The following IQCF1 variants were observed in gnomAD, a reference collection of about 807,000 sequenced individuals.
IQCF1 encodes the protein IQ domain-containing protein F1.
A neutral mutation model predicts 12.5 loss-of-function variants in IQCF1; 9 were observed. The observed-to-expected ratio is 0.72, with a 90% CI of 0.43 to 1.26. IQCF1 has a LOEUF of 1.26. Ranked by LOEUF, IQCF1 falls within the 50% of genes most tolerant of loss-of-function variation. IQCF1 has a pLI of 0.00. For missense variants in IQCF1, 252 were observed against 257.4 expected (o/e 0.98, Z 0.14); for synonymous variants, 67 against 96.2 (o/e 0.70, Z 1.78).
chr3:51,899,213 G>T (rs1699048416), intron 2 of IQCF1, among the ~76,000 whole-genome samples: 1 of 151,942 alleles, frequency 6.6e-6, no homozygotes. Context: ...GGGGTGGGGG[G>T]AGAATTTATG....
At chr3:51,896,926 A>T in intron 2 of IQCF1, 32 bp from the exon 3 acceptor site, 1 of 1,550,684 alleles carries the variant, frequency 6.4e-7, no homozygotes, top group East Asian at 2.2e-5. Flanking sequence ...AGAACAGACA[A>T]GATTGAGTTG....
Position 51,895,299 on chromosome 3 carries a change from G to A in IQCF1, c.209C>T (p.Thr70Met), listed in dbSNP as rs377595735. 91 of 1,613,050 alleles carry A rather than the reference G, an allele frequency of 5.6e-5. No individual in the cohort carries two copies. The African/African-American group carries it at 1.1e-3, about 19-fold the overall frequency. The change falls in exon 4 of 4, where the codon ACG (threonine) becomes ATG (methionine). Residue 70 changes from threonine (T) to methionine (M), a missense_variant. By Grantham distance (81) the Thr-to-Met change is moderately conservative. Coordinates refer to ENST00000310914, the MANE Select transcript of IQCF1 (RefSeq NM_152397.3). This position sits in a 1 kb window ranked among gnomAD's most constrained non-coding sequence, Gnocchi z 4.8. Reference protein sequence around the residue: ...ENQKKLSDKDTVATKIQAWWR... With the variant: ...ENQKKLSDKDMVATKIQAWWR... ...CCAGGCCTGGATCTTGGTGGCTACCGTATCTTTGTCAGAGAGCTTCTTTTG... is the reference window on the plus strand; with the variant it reads ...CCAGGCCTGGATCTTGGTGGCTACCATATCTTTGTCAGAGAGCTTCTTTTG...
rs1225333501 is a variant in IQCF1 at position 51,903,003 on chromosome 3, TC to T, written c.89del (p.Gly30GlufsTer42). On this transcript the variant is annotated frameshift_variant, in exon 2 of 4. Coordinates refer to ENST00000310914, the MANE Select transcript of IQCF1 (RefSeq NM_152397.3). LOFTEE classifies it high-confidence loss of function. ...QKEMPTHLSL[G>X]AESKAEAKTP... ...CTCCTACCTCTGCCTTTGACTCTGC[TC>T]CTAAGGACAAATGGGTTGGCATCTC... 6.2e-7 allele frequency: 1 copy of T among 1,613,932 alleles called. No individual in the cohort carries two copies. Among genetic ancestry groups the T allele is most frequent in the African/African-American group, 1.3e-5 (1 of 74,906 alleles).
chr3:51,896,713 GCA>G (rs59897184), intron 3 of IQCF1, 117 bp downstream of exon 3: 8,040 of 546,428 alleles, frequency 0.015, 1 homozygote, highest in East Asian at 0.024. Context: ...ACACACACAC[GCA>G]CACACACACA....
chr3:51,903,137 C>A, intron 1 of IQCF1, 48 bp from the exon 2 acceptor site: 2 of 1,586,238 alleles, frequency 1.3e-6, no homozygotes, highest in East Asian at 2.2e-5. Context: ...GCGGTCCCTC[C>A]CTCTCCATTC....
chr3:51,902,810 C>T (rs754532831), intron 2 of IQCF1, 175 bp downstream of exon 2: 14 of 679,974 alleles, frequency 2.1e-5, no homozygotes, highest in African/African-American at 1.4e-4. Flanking sequence ...TCTGTAAGGG[C>T]GCACCCTTCT....
At chr3:51,896,699 A>G (rs974418162) in intron 3 of IQCF1, 133 bp downstream of exon 3, 33 of 661,974 alleles carry the variant, frequency 5.0e-5, no homozygotes, top group African/African-American at 3.9e-4. Flanking sequence ...ACGCGCGCAC[A>G]CACACACACA....
At chr3:51,899,479 T>C (rs1445497935) in intron 2 of IQCF1, among the ~76,000 whole-genome samples, 1 of 152,234 alleles carries the variant, frequency 6.6e-6, no homozygotes, top group Non-Finnish European at 1.5e-5. Context: ...AATATACCTT[T>C]GGTAAAAGGA....
chr3:51,898,942 C>T lies in IQCF1; in HGVS notation c.109-2048G>A, dbSNP rs140880980. ...CAAGCTGTTTTGCACTCAGCAAAGC[C>T]TTAAAGTACTTACAGAATCAGGAAG... On this transcript the variant is annotated intron_variant, in intron 2 of 3. Transcript: ENST00000310914. Among the ~76,000 whole-genome samples, 47 of 152,290 alleles carry T rather than the reference C, an allele frequency of 3.1e-4. No individual in the cohort carries two copies. The East Asian group carries it at 8.1e-3, about 26-fold the overall frequency.
chr3:51,897,173 C>T (rs1699017086), intron 2 of IQCF1, among the ~76,000 whole-genome samples: 1 of 56,548 alleles, frequency 1.8e-5, no homozygotes, highest in African/African-American at 6.0e-5. Context: ...CCAAACCTCT[C>T]ACCCCATCAC....
Position 51,895,733 on chromosome 3 carries a change from C to T in IQCF1, c.172-397G>A, listed in dbSNP as rs1193390250. On this transcript the variant is annotated intron_variant, in intron 3 of 3. Transcript: ENST00000310914. The surrounding 1 kb of genome is among the most constrained non-coding windows in gnomAD (Gnocchi z 4.8). ...CTACTGGAGAAGTCACATCCTTTGC[C>T]GGCCCTGCCTTCTCATCCCTGACAA... Among the ~76,000 whole-genome samples, 2 of 152,174 alleles carry T rather than the reference C, an allele frequency of 1.3e-5. No homozygotes were observed. Among genetic ancestry groups the T allele is most frequent in the Admixed American group, 6.5e-5 (1 of 15,268 alleles).
At position 51,903,009 on chromosome 3, in the gene IQCF1, G is replaced by C; in HGVS notation, c.84C>G (p.Ser28=). The C allele has an allele frequency of 6.2e-7, 1 of 1,614,120 alleles. No homozygotes were observed. Among genetic ancestry groups the C allele is most frequent in the Non-Finnish European group, 8.5e-7 (1 of 1,179,984 alleles). Residue 28 remains serine, a synonymous_variant, in exon 2 of 4, where the codon TCC becomes TCG. Transcript: ENST00000310914. ...PQQKEMPTHL[S]LGAESKAEAK... ...CCTCTGCCTTTGACTCTGCTCCTAA[G>C]GACAAATGGGTTGGCATCTCCTTCT...
intron 3 of IQCF1, among the ~76,000 whole-genome samples, chr3:51,896,300 C>G (rs1699001675): frequency 6.6e-6 from 1 of 152,180 alleles, no homozygotes; most frequent in Admixed American, 6.5e-5. Context: ...CACCTGTAGC[C>G]TGGAAACACT....
chr3:51,898,385 C>CGT (rs1699037027), intron 2 of IQCF1, among the ~76,000 whole-genome samples: 2 of 152,152 alleles, frequency 1.3e-5, no homozygotes, highest in Non-Finnish European at 2.9e-5. Context: ...TATAACAGTC[C>CGT]AATACCACCT....
At position 51,897,469 on chromosome 3, in the gene IQCF1, C is replaced by A. The variant is rs373282401; in HGVS notation, c.109-575G>T. 7.2e-5 allele frequency among the ~76,000 whole-genome samples: 11 copies of A among 152,364 alleles called. No individual in the cohort carries two copies. In the East Asian group the frequency reaches 1.5e-3, roughly 21 times the overall value. On this transcript the variant is annotated intron_variant, in intron 2 of 3. Transcript: ENST00000310914. Reference sequence around the variant, plus strand: ...GCTCGCCTGTGATTACATTCCCCTCCGGGGGTGGTCTCTGGTTCTCCAACG... The same window carrying A: ...GCTCGCCTGTGATTACATTCCCCTCAGGGGGTGGTCTCTGGTTCTCCAACG...
rs1399474500 is a variant in IQCF1, at chr3:51,896,200, A to G, written c.171+632T>C. On this transcript the variant is annotated intron_variant, in intron 3 of 3. Coordinates refer to ENST00000310914, the MANE Select transcript of IQCF1 (RefSeq NM_152397.3). ...CTTCAAAAGAACTTTGGTCTCCACA[A>G]TCTTTTATCTTAACCCAAATGTTCC... Among the ~76,000 whole-genome samples the G allele has an allele frequency of 3.3e-5, 5 of 152,334 alleles. No individual in the cohort carries two copies. The East Asian group carries it at 5.8e-4, about 18-fold the overall frequency.
In IQCF1 at chr3:51,895,085, G is replaced by A. The variant is rs1559734657; in HGVS notation, c.423C>T (p.Arg141=). 6.2e-7 allele frequency: 1 copy of A among 1,614,248 alleles called. No individual in the cohort carries two copies. Among genetic ancestry groups the A allele is most frequent in the Non-Finnish European group, 8.5e-7 (1 of 1,180,054 alleles). ...CATTGAGCACCTGGCAATAGCGTCTGCGGATGCGCCACATGCGGGCCTGGG... is the reference window on the plus strand; with the variant it reads ...CATTGAGCACCTGGCAATAGCGTCTACGGATGCGCCACATGCGGGCCTGGG... ...LQSQARMWRI[R]RRYCQVLNAV... The change falls in exon 4 of 4, where the codon CGC becomes CGT. Residue 141 remains arginine, a synonymous_variant. Transcript: ENST00000310914. This position sits in a 1 kb window ranked among gnomAD's most constrained non-coding sequence, Gnocchi z 4.8.
Position 51,896,897 on chromosome 3 carries a change from G to T in IQCF1, c.109-3C>A. On this transcript the variant is annotated splice_polypyrimidine_tract_variant and splice_region_variant and intron_variant, in intron 2 of 3. Transcript: ENST00000310914. ...TCAACCAGAACTGGAGTTTTAGCCT[G>T]AAAAGGAAATGGGGAAAGAGAACAG... 24 of 1,610,588 alleles carry T rather than the reference G, an allele frequency of 1.5e-5. No individual in the cohort carries two copies. The highest frequency in any genetic ancestry group is 2.0e-5 in the Non-Finnish European group (24 of 1,176,794).
intron 2 of IQCF1, among the ~76,000 whole-genome samples, chr3:51,899,373 A>G (rs1421056250): frequency 6.6e-6 from 1 of 152,252 alleles, no homozygotes; most frequent in African/African-American, 2.4e-5. Context: ...AAGGGAATTT[A>G]TGCAAGAAGT....
Sources: allele counts gnomAD v4.1 joint callset (sites outside exome capture counted in the v4.1 genomes callset), GRCh38; gene constraint gnomAD v4.1.1; non-coding constraint Gnocchi (gnomAD v3.1); transcripts MANE v1.5; gene names NCBI Gene and HGNC (gene_info 2026-07-23, HGNC 2026-07-21).